Variants in OTOGL observed in about 807,000 individuals in gnomAD.
The protein encoded by OTOGL is otogelin like.
A neutral mutation model predicts 318.5 loss-of-function variants in OTOGL; 285 were observed. The observed-to-expected ratio is 0.89, with a 90% CI of 0.81 to 0.99. The LOEUF is 0.99. Ranked by LOEUF, OTOGL falls within the 50% of genes least tolerant of loss-of-function variation. OTOGL has a pLI of 0.00. For missense variants in OTOGL, 2,899 were observed against 2,845.6 expected (o/e 1.02, Z -0.43); for synonymous variants, 987 against 936.5 (o/e 1.05, Z -0.99).
chr12:80,182,815 T>A (rs1875019362), intron 1 of OTOGL, among the ~76,000 whole-genome samples: 1 of 152,182 alleles, frequency 6.6e-6, no homozygotes, highest in Non-Finnish European at 1.5e-5. Context: ...GAAGCAGATA[T>A]GTAGATGTTT....
chr12:80,320,797 T>C, intron 34 of OTOGL, 97 bp downstream of exon 34: 3 of 1,268,260 alleles, frequency 2.4e-6, no homozygotes, highest in South Asian at 1.6e-5. Context: ...TTACTGCATA[T>C]AAGCAGATAG....
At chr12:80,127,898 T>C (rs912902090) in intron 1 of OTOGL, among the ~76,000 whole-genome samples, 11 of 152,248 alleles carry the variant, frequency 7.2e-5, no homozygotes, top group Non-Finnish European at 1.2e-4. Context: ...CATCAGGTCC[T>C]TTAAGGACTT....
chr12:80,221,028 T>C (rs993571005), intron 6 of OTOGL, among the ~76,000 whole-genome samples: 13 of 152,156 alleles, frequency 8.5e-5, no homozygotes, highest in Admixed American at 5.9e-4. Context: ...CTTACCTTTA[T>C]GCCCCCCACC....
chr12:80,220,087 C>T (rs1878157921), intron 6 of OTOGL, among the ~76,000 whole-genome samples, 175 bp downstream of exon 6: 1 of 151,410 alleles, frequency 6.6e-6, no homozygotes, highest in Non-Finnish European at 1.5e-5. Flanking sequence ...GTAGATAGGG[C>T]CACTTTCCCT....
At chr12:80,363,551 AG>A (rs1457222152) in intron 52 of OTOGL, among the ~76,000 whole-genome samples, 15 of 152,036 alleles carry the variant, frequency 9.9e-5, no homozygotes, top group Middle Eastern at 3.4e-3. Flanking sequence ...GAAGAGAGAG[AG>A]AAAGAGAGAG....
intron 20 of OTOGL, chr12:80,266,188 T>C: frequency 4.6e-6 from 2 of 433,106 alleles, no homozygotes; most frequent in Non-Finnish European, 8.4e-6. Flanking sequence ...ACATATATAG[T>C]TCTGCAAAGC....
chr12:80,129,066 A>G (rs1382538823), intron 1 of OTOGL, among the ~76,000 whole-genome samples: 3 of 152,202 alleles, frequency 2.0e-5, no homozygotes, highest in African/African-American at 7.2e-5. Context: ...CTGTCTGACA[A>G]TCCCCAGTGA....
At chr12:80,282,003 A>G (rs894208086) in intron 26 of OTOGL, among the ~76,000 whole-genome samples, 6 of 151,878 alleles carry the variant, frequency 4.0e-5, no homozygotes, top group Non-Finnish European at 4.4e-5. Flanking sequence ...TAGAAATGCT[A>G]TTTTGATGAT....
intron 39 of OTOGL, 36 bp downstream of exon 39, chr12:80,336,176 T>G (rs755067242): frequency 2.0e-5 from 31 of 1,529,526 alleles, no homozygotes; most frequent in Middle Eastern, 1.7e-4. Context: ...ATCTTTTTTT[T>G]TTTTTTTTAA....
intron 1 of OTOGL, among the ~76,000 whole-genome samples, chr12:80,128,055 C>A (rs1207593385): frequency 6.6e-6 from 1 of 152,214 alleles, no homozygotes; most frequent in African/African-American, 2.4e-5. Context: ...AAGTCATTTT[C>A]CATCCAGCTT....
intron 18 of OTOGL, among the ~76,000 whole-genome samples, chr12:80,259,001 CA>C (rs1882298647): frequency 1.3e-5 from 2 of 151,990 alleles, no homozygotes; most frequent in South Asian, 4.1e-4. Flanking sequence ...AGGTGATGCA[CA>C]TGTTCATTAG....
intron 47 of OTOGL, among the ~76,000 whole-genome samples, 197 bp downstream of exon 47, chr12:80,356,145 C>A (rs991028682): frequency 6.6e-6 from 1 of 152,092 alleles, no homozygotes; most frequent in African/African-American, 2.4e-5. Flanking sequence ...TAATAACACT[C>A]AACAAAACAT....
At chr12:80,216,189 A>T (rs2040819888) in intron 4 of OTOGL, among the ~76,000 whole-genome samples, 1 of 152,170 alleles carries the variant, frequency 6.6e-6, no homozygotes, top group Non-Finnish European at 1.5e-5. Flanking sequence ...TTCCTGTTGA[A>T]GTAAAAAGTG....
At chr12:80,192,568 C>A (rs547047492) in intron 1 of OTOGL, among the ~76,000 whole-genome samples, 10 of 152,150 alleles carry the variant, frequency 6.6e-5, no homozygotes, top group African/African-American at 2.4e-4. Flanking sequence ...CTAGATTTTA[C>A]ATAAAAAAAG....
chr12:80,129,108 A>C (rs1349595238), intron 1 of OTOGL, among the ~76,000 whole-genome samples: 2 of 152,152 alleles, frequency 1.3e-5, no homozygotes, highest in East Asian at 1.9e-4. Flanking sequence ...GGAAATGCAG[A>C]AGTCATTCGA....
chr12:80,268,857 T>G (rs544509630), intron 22 of OTOGL, among the ~76,000 whole-genome samples: 68 of 151,274 alleles, frequency 4.5e-4, no homozygotes, highest in Non-Finnish European at 8.2e-4. Context: ...TGCCGAGGTG[T>G]CCTGTCTTTT....
At chr12:80,140,106 C>T (rs1251704721) in intron 1 of OTOGL, among the ~76,000 whole-genome samples, 1 of 152,176 alleles carries the variant, frequency 6.6e-6, no homozygotes, top group Non-Finnish European at 1.5e-5. Context: ...TTCCACCTGC[C>T]TTGCCTCTCC....
At chr12:80,147,992 G>A (rs1460853191) in intron 1 of OTOGL, among the ~76,000 whole-genome samples, 3 of 152,070 alleles carry the variant, frequency 2.0e-5, no homozygotes, top group Admixed American at 6.6e-5. Flanking sequence ...ACACTGATGG[G>A]TCTTGACTCT....
intron 7 of OTOGL, among the ~76,000 whole-genome samples, chr12:80,227,910 A>G (rs1368038612): frequency 6.6e-6 from 1 of 152,168 alleles, no homozygotes; most frequent in Non-Finnish European, 1.5e-5. Context: ...TCCCTGCTTA[A>G]TATTTCTCCT....
Sources: gnomAD v4.1 joint callset for allele counts (sites outside exome capture counted in the v4.1 genomes callset) on GRCh38, gnomAD v4.1.1 for gene constraint, MANE v1.5 for transcripts, NCBI Gene and HGNC (gene_info 2026-07-23, HGNC 2026-07-21) for gene names.